The following DENND1A variants were observed in gnomAD, a reference collection of about 807,000 sequenced individuals.
DENND1A encodes DENN domain-containing protein 1A.
A neutral mutation model predicts 113.7 loss-of-function variants in DENND1A; 51 were observed. That is an observed-to-expected ratio of 0.45 (90% CI 0.36 to 0.57). The LOEUF (loss-of-function observed/expected upper bound fraction) is 0.57, where lower values mean the gene tolerates loss of function less well. Ranked by LOEUF, DENND1A falls within the 20% of genes least tolerant of loss-of-function variation. The pLI is 0.00. For synonymous variants in DENND1A, 565 were observed against 570.8 expected (o/e 0.99, Z 0.14); for missense variants, 1,258 against 1,395.9 (o/e 0.90, Z 1.57).
chr9:123,583,333 T>C (rs962792620), intron 11 of DENND1A, 63 bp from the exon 12 acceptor site: 21 of 1,215,956 alleles, frequency 1.7e-5, no homozygotes, highest in Non-Finnish European at 2.4e-5. Context: ...ACACTTCCCC[T>C]GCCTTCTCTG....
intron 2 of DENND1A, among the ~76,000 whole-genome samples, chr9:123,870,878 G>A (rs1846491155): frequency 6.6e-6 from 1 of 152,074 alleles, no homozygotes; most frequent in Non-Finnish European, 1.5e-5. Context: ...TAAGAAAAGT[G>A]CCTGGGGCAT....
intron 5 of DENND1A, among the ~76,000 whole-genome samples, chr9:123,705,068 TAA>T (rs34013646): frequency 0.19 from 27,612 of 147,084 alleles, 2,715 homozygotes; most frequent in African/African-American, 0.27. Context: ...AAGATGAATT[TAA>T]AAAAAAAAAA....
intron 21 of DENND1A, among the ~76,000 whole-genome samples, chr9:123,395,468 C>CTGTGTGTGTGTGTGTG (rs60527655): frequency 3.5e-5 from 5 of 142,890 alleles, no homozygotes; most frequent in East Asian, 2.1e-4. Flanking sequence ...CTCTCTCTCT[C>CTGTGTGTGTGTGTGTG]TGTGTGTGTG....
intron 13 of DENND1A, among the ~76,000 whole-genome samples, chr9:123,521,159 T>A (rs2054363968): frequency 6.6e-6 from 1 of 152,180 alleles, no homozygotes; most frequent in Non-Finnish European, 1.5e-5. Context: ...CTCCCCTGTG[T>A]GCCCATGCTA....
chr9:123,890,273 G>C (rs1457333238), intron 1 of DENND1A, among the ~76,000 whole-genome samples: 3 of 152,178 alleles, frequency 2.0e-5, no homozygotes, highest in Non-Finnish European at 4.4e-5. Flanking sequence ...CACCTGTTTA[G>C]AGTGGCTGGG....
chr9:123,803,168 C>T (rs866948629), intron 2 of DENND1A, among the ~76,000 whole-genome samples: 4 of 152,310 alleles, frequency 2.6e-5, no homozygotes, highest in South Asian at 2.1e-4. Flanking sequence ...CCCGCCTGCA[C>T]CCATATAGCT....
intron 13 of DENND1A, among the ~76,000 whole-genome samples, chr9:123,501,554 C>G (rs1356769795): frequency 6.6e-6 from 1 of 152,166 alleles, no homozygotes; most frequent in Admixed American, 6.5e-5. Context: ...TTTTCCACAG[C>G]AGCCATACAA....
intron 9 of DENND1A, among the ~76,000 whole-genome samples, chr9:123,642,031 GA>G (rs2062056555): frequency 6.6e-6 from 1 of 152,216 alleles, no homozygotes; most frequent in Non-Finnish European, 1.5e-5. Flanking sequence ...AGAGGCAGGA[GA>G]GGAAGGTAAG....
rs1221099025 is a variant in DENND1A at position 123,401,439 on chromosome 9, C to T, written c.1631+1963G>A. 1.3e-5 allele frequency: 14 copies of T among 1,064,494 alleles called. No individual in the cohort carries two copies. In the East Asian group the frequency reaches 3.2e-4, roughly 25 times the overall value. The allele number at this position is 1,064,494 out of a possible 1,614,324, so 65.9% of individuals were successfully genotyped here. ...TATGGGAGAACAACTTCCCCTTCCT[C>T]GTTAAACAAACGTGAACAGAAACCC... is the stretch of plus-strand genomic sequence containing the variant. On this transcript the variant is annotated intron_variant, in intron 21 of 23. Coordinates refer to ENST00000394215, the MANE Select transcript of DENND1A (RefSeq NM_001352964.2).
At chr9:123,841,776 A>C (rs1247324625) in intron 2 of DENND1A, among the ~76,000 whole-genome samples, 1 of 152,226 alleles carries the variant, frequency 6.6e-6, no homozygotes, top group East Asian at 1.9e-4. Context: ...TAGTTTTTAA[A>C]GATATTTAGG....
chr9:123,665,723 TCAAA>T (rs2063462275), intron 8 of DENND1A, among the ~76,000 whole-genome samples: 3 of 152,160 alleles, frequency 2.0e-5, no homozygotes, highest in African/African-American at 7.2e-5. Flanking sequence ...AAGCAGAGAC[TCAAA>T]CAGGCATTTG....
At chr9:123,513,120 T>G (rs1336435862) in intron 13 of DENND1A, among the ~76,000 whole-genome samples, 1 of 152,242 alleles carries the variant, frequency 6.6e-6, no homozygotes, top group African/African-American at 2.4e-5. Context: ...TTGGCCCTTC[T>G]TCTCCGGAGT....
chr9:123,667,089 A>C lies in DENND1A; in HGVS notation c.454-10T>G. On this transcript the variant is annotated splice_polypyrimidine_tract_variant and intron_variant, in intron 7 of 23. Coordinates refer to ENST00000394215, the MANE Select transcript of DENND1A (RefSeq NM_001352964.2). ...CAGTAAAATAAGAATGCTAGAAAAG[A>C]AAAGCAAAAGTGATTTATTTCTGCT... 1.3e-6 allele frequency: 2 copies of C among 1,596,792 alleles called. No individual in the cohort carries two copies. The highest frequency in any genetic ancestry group is 1.7e-6 in the Non-Finnish European group (2 of 1,174,526).
At chr9:123,460,362 T>C (rs1303038448) in intron 13 of DENND1A, among the ~76,000 whole-genome samples, 1 of 152,162 alleles carries the variant, frequency 6.6e-6, no homozygotes, top group Non-Finnish European at 1.5e-5. Context: ...CAATTAATTC[T>C]CTCTCCAGGT....
At chr9:123,660,851 T>C (rs549892791) in intron 8 of DENND1A, among the ~76,000 whole-genome samples, 92 of 152,222 alleles carry the variant, frequency 6.0e-4, no homozygotes, top group Non-Finnish European at 1.2e-3. Flanking sequence ...AACGAAGTGG[T>C]TTTCAAGCTG....
intron 11 of DENND1A, among the ~76,000 whole-genome samples, chr9:123,606,162 CTCGG>C: frequency 6.6e-6 from 1 of 152,174 alleles, no homozygotes; most frequent in South Asian, 2.1e-4. Flanking sequence ...AACTAGAGCA[CTCGG>C]AATCTGAGCT....
intron 1 of DENND1A, among the ~76,000 whole-genome samples, chr9:123,910,471 A>G (rs1292890694): frequency 1.3e-5 from 2 of 152,244 alleles, no homozygotes; most frequent in Non-Finnish European, 2.9e-5. Context: ...TTCATATGAA[A>G]TGGATCACAT....
chr9:123,870,606 T>A (rs1255662720), intron 2 of DENND1A, among the ~76,000 whole-genome samples: 1 of 152,002 alleles, frequency 6.6e-6, no homozygotes, highest in Non-Finnish European at 1.5e-5. Context: ...CCAGCTGATT[T>A]TTGTATTTTT....
At chr9:123,643,858 G>A (rs909453843) in intron 9 of DENND1A, among the ~76,000 whole-genome samples, 4 of 152,218 alleles carry the variant, frequency 2.6e-5, no homozygotes, top group Non-Finnish European at 5.9e-5. Flanking sequence ...AGGGCTTGCC[G>A]AATCTGAAGT....
Sources: gnomAD v4.1 joint callset for allele counts (sites outside exome capture counted in the v4.1 genomes callset) on GRCh38, gnomAD v4.1.1 for gene constraint, MANE v1.5 for transcripts, NCBI Gene and HGNC (gene_info 2026-07-23, HGNC 2026-07-21) for gene names.